The following GID8 variants were observed in gnomAD, a reference collection of about 807,000 sequenced individuals.
GID8 encodes glucose-induced degradation protein 8 homolog.
In GID8, 6 loss-of-function variants were observed where a neutral mutation model predicts 27.4. That is an observed-to-expected ratio of 0.22 (90% CI 0.12 to 0.43). The LOEUF is 0.43. Ranked by LOEUF, GID8 falls within the 20% of genes least tolerant of loss-of-function variation. GID8 has a pLI of 1.00. For missense variants in GID8, 173 were observed against 287.6 expected (o/e 0.60, Z 2.88); for synonymous variants, 112 against 109.0 (o/e 1.03, Z -0.17).
chr20:62,941,675 C>T (rs1230217474), intron 2 of GID8, 55 bp downstream of exon 2: 1 of 980,044 alleles, frequency 1.0e-6, no homozygotes, highest in Non-Finnish European at 1.7e-6. Flanking sequence ...CCTTTTTGAA[C>T]ACATAAGGAG....
Position 62,943,480 on chromosome 20 carries a change from T to A in GID8, c.316-15T>A. The A allele has an allele frequency of 1.9e-6, 3 of 1,610,788 alleles. No individual in the cohort carries two copies. The highest frequency in any genetic ancestry group is 1.3e-5 in the African/African-American group (1 of 74,984). On this transcript the variant is annotated splice_polypyrimidine_tract_variant and intron_variant, in intron 3 of 4. Coordinates refer to ENST00000266069, the MANE Select transcript of GID8 (RefSeq NM_017896.3). This position sits in a 1 kb window ranked among gnomAD's most constrained non-coding sequence, Gnocchi z 4.7. ...TGGGTGTGTGGGGGTCAAGCTTGTC[T>A]GTCTCTGCCTCCAGCAACAGCATTT...
chr20:62,947,688 C>T lies in GID8; in HGVS notation c.*2776C>T, dbSNP rs899151791. 6.6e-6 allele frequency: 1 copy of T among 152,282 alleles called. No homozygotes were observed. The highest frequency in any genetic ancestry group is 2.4e-5 in the African/African-American group (1 of 41,446). 9.4% of individuals were successfully genotyped at this position (152,282 alleles called of 1,614,324 possible). On this transcript the variant is annotated 3_prime_UTR_variant, in exon 5 of 5. Coordinates refer to ENST00000266069, the MANE Select transcript of GID8 (RefSeq NM_017896.3). ...CTCCAGTTTCTAGAAAAGGCAGACA[C>T]TGGTTGGGACCAAAGTCTCCATGGC...
intron 1 of GID8, among the ~76,000 whole-genome samples, chr20:62,939,604 C>T (rs760054267): frequency 6.6e-6 from 1 of 152,172 alleles, no homozygotes; most frequent in Non-Finnish European, 1.5e-5. Flanking sequence ...TGCAGGGCCT[C>T]TCATGCTTGA....
intron 1 of GID8, among the ~76,000 whole-genome samples, chr20:62,939,595 G>A (rs1235522555): frequency 6.6e-6 from 1 of 152,072 alleles, no homozygotes; most frequent in Non-Finnish European, 1.5e-5. Flanking sequence ...GCCCCATCTT[G>A]CAGGGCCTCT....
chr20:62,940,501 C>T (rs1006374256), intron 1 of GID8, among the ~76,000 whole-genome samples: 1 of 152,192 alleles, frequency 6.6e-6, no homozygotes, highest in Admixed American at 6.5e-5. Flanking sequence ...AGGCGCCCGC[C>T]ACCGAGCACG....
chr20:62,941,097 A>G (rs983454120), intron 1 of GID8, among the ~76,000 whole-genome samples: 4 of 152,264 alleles, frequency 2.6e-5, no homozygotes, highest in African/African-American at 9.6e-5. Context: ...ATGAACGCTC[A>G]GGTGGGTGGC....
Position 62,948,140 on chromosome 20 carries a change from C to T in GID8, c.*3228C>T, listed in dbSNP as rs1355237525. ...AGCCGCATGGCAGACCCATGGCTGG[C>T]GCAGCTGCCTGTTGCCGTCTGTCTT... On this transcript the variant is annotated 3_prime_UTR_variant, in exon 5 of 5. Coordinates refer to ENST00000266069, the MANE Select transcript of GID8 (RefSeq NM_017896.3). 6.6e-6 allele frequency: 1 copy of T among 152,224 alleles called. No individual in the cohort carries two copies. Among genetic ancestry groups the T allele is most frequent in the African/African-American group, 2.4e-5 (1 of 41,456 alleles). The allele number at this position is 152,224 out of a possible 1,614,324, so 9.4% of individuals were successfully genotyped here.
rs2065460811 is a variant in GID8 at position 62,945,181 on chromosome 20, A to T, written c.*269A>T. 8.1e-7 allele frequency: 1 copy of T among 1,227,274 alleles called. No individual in the cohort carries two copies. The highest frequency in any genetic ancestry group is 1.0e-6 in the Non-Finnish European group (1 of 976,918). The allele number at this position is 1,227,274 out of a possible 1,614,324, so 76.0% of individuals were successfully genotyped here. On this transcript the variant is annotated 3_prime_UTR_variant, in exon 5 of 5. Coordinates refer to ENST00000266069, the MANE Select transcript of GID8 (RefSeq NM_017896.3). ...CTGGAAGGTTGCGGTTTGCTCTTCC[A>T]GTGTTCGGGGGCCTCTGGCTGCTGA... is the stretch of plus-strand genomic sequence containing the variant.
Position 62,941,611 on chromosome 20 carries a change from C to G in GID8, c.109C>G (p.Leu37Val). 1 of 1,566,660 alleles carries G rather than the reference C, an allele frequency of 6.4e-7. No homozygotes were observed. Among genetic ancestry groups the G allele is most frequent in the Non-Finnish European group, 8.8e-7 (1 of 1,136,706 alleles). Residue 37 changes from leucine (L) to valine (V), a missense_variant, in exon 2 of 5, where the codon CTG becomes GTG. Coordinates refer to ENST00000266069, the MANE Select transcript of GID8 (RefSeq NM_017896.3). ...ADMNRLIMNY[L>V]VTEGFKEAAE... ...CATGAACCGCCTCATCATGAACTAC[C>G]TGGTCACAGGTAATGGCTTACAGTG...
intron 4 of GID8, among the ~76,000 whole-genome samples, chr20:62,944,379 C>T (rs1335699888): frequency 6.6e-6 from 1 of 152,160 alleles, no homozygotes; most frequent in Non-Finnish European, 1.5e-5. Context: ...GGTCCTCTCC[C>T]GGGGGCTCTG....
chr20:62,945,749 G>A lies in GID8; in HGVS notation c.*837G>A. The A allele has an allele frequency of 2.5e-6, 3 of 1,222,052 alleles. No homozygotes were observed. The highest frequency in any genetic ancestry group is 3.2e-6 in the Non-Finnish European group (3 of 950,940). The allele number at this position is 1,222,052 out of a possible 1,614,324, so 75.7% of individuals were successfully genotyped here. A position where few individuals can be genotyped will look rare whatever the true frequency, so the allele number is the denominator to read the frequency against. On this transcript the variant is annotated 3_prime_UTR_variant, in exon 5 of 5. Coordinates refer to ENST00000266069, the MANE Select transcript of GID8 (RefSeq NM_017896.3). ...TTTTTCTGGTACCTGCAGCTGGAAA[G>A]GCCACTTGGCCCTGTGCTGAGTGAG...
At position 62,938,190 on chromosome 20, in the gene GID8, C is replaced by T. The variant is rs949391981; in HGVS notation, c.-76C>T. 4 of 204,140 alleles carry T rather than the reference C, an allele frequency of 2.0e-5. No homozygotes were observed. Among genetic ancestry groups the T allele is most frequent in the Non-Finnish European group, 3.9e-5 (4 of 101,982 alleles). The allele number at this position is 204,140 out of a possible 1,614,324, so 12.6% of individuals were successfully genotyped here. A position where few individuals can be genotyped will look rare whatever the true frequency, so the allele number is the denominator to read the frequency against. On this transcript the variant is annotated 5_prime_UTR_variant, in exon 1 of 5. Transcript: ENST00000266069. ...CCCGGCGGCCGCCACCTCTCCCCAG[C>T]CCAGGAGAGGCTGCGGAGCCGCAGC...
At position 62,945,895 on chromosome 20, in the gene GID8, C is replaced by T. The variant is rs575562374; in HGVS notation, c.*983C>T. On this transcript the variant is annotated 3_prime_UTR_variant, in exon 5 of 5. Transcript: ENST00000266069. ...CTCAGTGATCTGCCCTCCAGCATCT[C>T]GGCAGCATCTCATCCTCCATCGTCA... 23 of 1,289,566 alleles carry T rather than the reference C, an allele frequency of 1.8e-5. No individual in the cohort carries two copies. The East Asian group carries it at 2.2e-4, about 12-fold the overall frequency. 79.9% of individuals were successfully genotyped at this position (1,289,566 alleles called of 1,614,324 possible).
chr20:62,940,600 C>T (rs2065439013), intron 1 of GID8, among the ~76,000 whole-genome samples: 1 of 152,156 alleles, frequency 6.6e-6, no homozygotes, highest in Non-Finnish European at 1.5e-5. Context: ...CCGCCCGCCT[C>T]GGCCTCCCAA....
At position 62,945,547 on chromosome 20, in the gene GID8, G is replaced by T; in HGVS notation, c.*635G>T. The T allele has an allele frequency of 9.2e-7, 1 of 1,091,178 alleles. No individual in the cohort carries two copies. Among genetic ancestry groups the T allele is most frequent in the Non-Finnish European group, 1.1e-6 (1 of 890,368 alleles). 67.6% of individuals were successfully genotyped at this position (1,091,178 alleles called of 1,614,324 possible). ...TTAAATATATATTTTGGTGCTGTGT[G>T]TGGTAAGAGACTTGTTCCTAGTGGA... On this transcript the variant is annotated 3_prime_UTR_variant, in exon 5 of 5. Transcript: ENST00000266069.
rs1228986438 is a variant in GID8, at chr20:62,946,450, G to T, written c.*1538G>T. On this transcript the variant is annotated 3_prime_UTR_variant, in exon 5 of 5. Coordinates refer to ENST00000266069, the MANE Select transcript of GID8 (RefSeq NM_017896.3). ...ATGCTTCTTTCTGTGTTGGAGCCTG[G>T]CGAAGTTGTGTTTTCAAGCCCTCTA... 1.3e-5 allele frequency: 2 copies of T among 157,364 alleles called. No individual in the cohort carries two copies. The highest frequency in any genetic ancestry group is 2.4e-5 in the African/African-American group (1 of 41,502). The allele number at this position is 157,364 out of a possible 1,614,324, so 9.7% of individuals were successfully genotyped here.
intron 1 of GID8, among the ~76,000 whole-genome samples, chr20:62,939,446 A>G (rs951421716): frequency 1.3e-5 from 2 of 148,676 alleles, no homozygotes; most frequent in African/African-American, 2.5e-5. Flanking sequence ...TATTTCACTA[A>G]TTCATGTTTT....
At chr20:62,944,680 T>C in intron 4 of GID8, 59 bp from the exon 5 acceptor site, 1 of 1,193,216 alleles carries the variant, frequency 8.4e-7, no homozygotes, top group Non-Finnish European at 1.2e-6. Flanking sequence ...CTCTTTTTAA[T>C]AGACTCTGCT....
rs918224386 is a variant in GID8 at position 62,938,160 on chromosome 20, G to A, written c.-106G>A. On this transcript the variant is annotated 5_prime_UTR_variant, in exon 1 of 5. Transcript: ENST00000266069. The stretch of plus-strand genomic sequence containing the variant: ...CCCCACCTCTGCCTCCTTCTACTCG[G>A]GCGCCCCGGCGGCCGCCACCTCTCC... The A allele has an allele frequency of 3.4e-5, 9 of 264,014 alleles. No homozygotes were observed. Among genetic ancestry groups the A allele is most frequent in the African/African-American group, 2.0e-4 (9 of 44,910 alleles). 16.4% of individuals were successfully genotyped at this position (264,014 alleles called of 1,614,324 possible).
Sources: gnomAD v4.1 joint callset for allele counts (sites outside exome capture counted in the v4.1 genomes callset) on GRCh38, gnomAD v4.1.1 for gene constraint, Gnocchi (gnomAD v3.1) non-coding constraint, MANE v1.5 for transcripts, NCBI Gene and HGNC (gene_info 2026-07-23, HGNC 2026-07-21) for gene names.